The following OR7E24 variants were observed in gnomAD, a reference collection of about 807,000 sequenced individuals.
OR7E24 encodes olfactory receptor family 7 subfamily E member 24.
For missense variants in OR7E24, 385 were observed against 410.3 expected (o/e 0.94, Z 0.53); for synonymous variants, 130 against 157.5 (o/e 0.83, Z 1.31).
chr19:9,219,050 A>C, the OR7E24 span: 1 of 152,216 alleles, frequency 6.6e-6, no homozygotes, highest in African/African-American at 2.4e-5. Flanking sequence ...CATAACAGCT[A>C]GTAAGTGCTG....
the OR7E24 span, among the ~76,000 whole-genome samples, chr19:9,224,170 G>A: frequency 6.6e-6 from 1 of 151,964 alleles, no homozygotes; most frequent in South Asian, 2.1e-4. Context: ...CTTTCTACAC[G>A]TGCAGCTTTC....
At chr19:9,241,983 T>A in the OR7E24 span, among the ~76,000 whole-genome samples, 1 of 152,328 alleles carries the variant, frequency 6.6e-6, no homozygotes, top group East Asian at 1.9e-4. Flanking sequence ...TTGGTCCATT[T>A]TCTTAGAGCC....
At position 9,251,843 on chromosome 19, in the gene OR7E24, G is replaced by T; in HGVS notation, c.800G>T (p.Cys267Phe). The T allele has an allele frequency of 1.2e-6, 2 of 1,613,962 alleles. No individual in the cohort carries two copies. The highest frequency in any genetic ancestry group is 1.7e-6 in the Non-Finnish European group (2 of 1,179,936). Residue 267 changes from cysteine to phenylalanine, a missense_variant, in exon 1 of 1, where the codon TGC becomes TTC. By Grantham distance (205) the Cys-to-Phe change is radical (BLOSUM62 -2). Transcript: ENST00000456448. ...STCGSHLAVV[C>F]LFYGTGLVGY... ...TGTGGCTCTCACCTGGCAGTTGTTT[G>T]CTTATTTTATGGAACAGGGCTTGTA...
the OR7E24 span, chr19:9,213,674 G>T: frequency 2.0e-6 from 1 of 508,964 alleles, no homozygotes; most frequent in South Asian, 2.3e-5. Flanking sequence ...GGAGGTAGAG[G>T]TTGCAGTGAG....
chr19:9,232,699 C>T, the OR7E24 span, among the ~76,000 whole-genome samples: 2 of 152,100 alleles, frequency 1.3e-5, no homozygotes, highest in African/African-American at 2.4e-5. Flanking sequence ...CACTCGGCAG[C>T]GCCTCGGAGA....
At chr19:9,250,876 A>T, upstream of OR7E24, 2 of 583,522 alleles carry the variant, frequency 3.4e-6, no homozygotes. Flanking sequence ...AGTTAAGTGT[A>T]TACAGAAAGA....
At chr19:9,207,402 A>C in the OR7E24 span, 1 of 152,210 alleles carries the variant, frequency 6.6e-6, no homozygotes, top group Non-Finnish European at 1.5e-5. Context: ...GATTTAAGTG[A>C]AATAAGCCAG....
At chr19:9,244,610 T>G (rs559780788), upstream of OR7E24, among the ~76,000 whole-genome samples, 4 of 152,314 alleles carry the variant, frequency 2.6e-5, no homozygotes, top group South Asian at 8.3e-4. Flanking sequence ...AAGAAAACAT[T>G]GATCAATACC....
chr19:9,216,893 G>C, the OR7E24 span, among the ~76,000 whole-genome samples: 7 of 152,058 alleles, frequency 4.6e-5, no homozygotes, highest in Non-Finnish European at 1.5e-5. Context: ...TGCCCAGCCT[G>C]AACTTTTGTT....
the OR7E24 span, chr19:9,213,839 C>A: frequency 8.3e-7 from 1 of 1,205,156 alleles, no homozygotes; most frequent in Non-Finnish European, 1.2e-6. Flanking sequence ...GATATTTAAA[C>A]CCACAACATT....
chr19:9,232,479 A>G, the OR7E24 span, among the ~76,000 whole-genome samples: 2 of 143,504 alleles, frequency 1.4e-5, no homozygotes, highest in Non-Finnish European at 3.0e-5. Context: ...CGGAGGTTGC[A>G]GTGAGCCAAG....
the OR7E24 span, among the ~76,000 whole-genome samples, chr19:9,231,804 T>G: frequency 2.0e-5 from 3 of 152,200 alleles, no homozygotes; most frequent in African/African-American, 7.2e-5. Flanking sequence ...CGGTGTATGA[T>G]TCTTTTAAAA....
chr19:9,235,962 G>C, the OR7E24 span: 53 of 1,611,294 alleles, frequency 3.3e-5, no homozygotes, highest in East Asian at 1.8e-4. Flanking sequence ...GCAGCTCCAT[G>C]GCCTCAGTGA....
chr19:9,221,340 C>CCTTTTTTTTTTTTTTTTTTTT, the OR7E24 span, among the ~76,000 whole-genome samples: 1 of 81,180 alleles, frequency 1.2e-5, no homozygotes, highest in Non-Finnish European at 2.1e-5. Flanking sequence ...GTCTTTTGCC[C>CCTTTTTTTTTTTTTTTTTTTT]TTTTTTTTTT....
the OR7E24 span, among the ~76,000 whole-genome samples, chr19:9,233,905 TTC>T: frequency 6.7e-5 from 4 of 59,960 alleles, no homozygotes; most frequent in African/African-American, 1.6e-4. Context: ...TTACATGTCT[TTC>T]TTTTTTTTTT....
At chr19:9,228,979 G>A in the OR7E24 span, among the ~76,000 whole-genome samples, 38 of 152,090 alleles carry the variant, frequency 2.5e-4, no homozygotes, top group Non-Finnish European at 3.5e-4. Flanking sequence ...TATGTCCCTC[G>A]CCGTAATGGT....
the OR7E24 span, chr19:9,214,475 G>A: frequency 6.2e-7 from 1 of 1,614,106 alleles, no homozygotes; most frequent in Non-Finnish European, 8.5e-7. Flanking sequence ...CCACAAACCG[G>A]TCATAGGCCA....
chr19:9,207,789 G>A, the OR7E24 span: 1 of 151,998 alleles, frequency 6.6e-6, no homozygotes. Context: ...TTTTCCATCT[G>A]GTGTTCTTGT....
the OR7E24 span, chr19:9,210,456 T>C: frequency 6.6e-6 from 1 of 151,952 alleles, no homozygotes; most frequent in Admixed American, 6.6e-5. Context: ...AAAAATAAAA[T>C]AAAATAAATT....
Sources: gnomAD v4.1 joint callset for allele counts (sites outside exome capture counted in the v4.1 genomes callset) on GRCh38, gnomAD v4.1.1 for gene constraint, MANE v1.5 for transcripts, NCBI Gene and HGNC (gene_info 2026-07-23, HGNC 2026-07-21) for gene names.